Variants in TENM3 observed in about 807,000 individuals in gnomAD.
The protein encoded by TENM3 is teneurin transmembrane protein 3, also known as teneurin-3.
A neutral mutation model predicts 255.1 loss-of-function variants in TENM3; 63 were observed. The ratio of observed to expected loss-of-function variants is 0.25; its 90% CI spans 0.20 to 0.30. The LOEUF is 0.30. Ranked by LOEUF, TENM3 falls within the 10% of genes least tolerant of loss-of-function variation. The pLI is 1.00. For synonymous variants in TENM3, 1,306 were observed against 1,322.3 expected, an observed-to-expected ratio of 0.99 and a Z score of 0.27; for missense variants, 2,929 against 3,461.1, an observed-to-expected ratio of 0.85 and a Z score of 3.86.
In TENM3 at chr4:182,799,454, G is replaced by C. The variant is rs373539434; in HGVS notation, c.7345-142G>C. 2 of 1,056,324 alleles carry C rather than the reference G, an allele frequency of 1.9e-6. No homozygotes were observed. Among genetic ancestry groups the C allele is most frequent in the East Asian group, 2.7e-5 (1 of 37,188 alleles). The allele number at this position is 1,056,324 out of a possible 1,614,324, so 65.4% of individuals were successfully genotyped here. A position where few individuals can be genotyped will look rare whatever the true frequency, so the allele number is the denominator to read the frequency against. ...GGGATCTCGAGTGCTCCCTCCACCC[G>C]GGCTGTCAGCCTTCTGGTCAGGGAA... On this transcript the variant is annotated intron_variant, in intron 27 of 27. Coordinates refer to ENST00000511685, the MANE Select transcript of TENM3 (RefSeq NM_001080477.4). This position sits in a 1 kb window ranked among gnomAD's most constrained non-coding sequence, Gnocchi z 4.2.
chr4:181,528,698 C>G, the TENM3 span, among the ~76,000 whole-genome samples: 2 of 152,186 alleles, frequency 1.3e-5, no homozygotes, highest in African/African-American at 4.8e-5. Flanking sequence ...AAGTATTTCA[C>G]CGAGGAGGTG....
chr4:181,465,058 T>G, the TENM3 span, among the ~76,000 whole-genome samples: 1 of 152,222 alleles, frequency 6.6e-6, no homozygotes, highest in Non-Finnish European at 1.5e-5. Flanking sequence ...TATTATCTCT[T>G]ATGTTTTCTT....
At chr4:181,759,963 G>A in the TENM3 span, among the ~76,000 whole-genome samples, 1 of 152,080 alleles carries the variant, frequency 6.6e-6, no homozygotes, top group African/African-American at 2.4e-5. Context: ...TGGCCAGAGA[G>A]CAGCAGAGCC....
intron 2 of TENM3, among the ~76,000 whole-genome samples, chr4:182,336,401 C>A (rs999859027): frequency 1.2e-4 from 18 of 151,596 alleles, no homozygotes; most frequent in African/African-American, 4.1e-4. Context: ...TACACAGAAG[C>A]TCTCATTATA....
the TENM3 span, among the ~76,000 whole-genome samples, chr4:182,092,419 G>A: frequency 6.6e-6 from 1 of 152,206 alleles, no homozygotes; most frequent in Non-Finnish European, 1.5e-5. Context: ...AGGCCAAGGT[G>A]GGGGGATTGC....
chr4:182,629,798 G>A (rs1175975317), intron 5 of TENM3, among the ~76,000 whole-genome samples: 1 of 152,124 alleles, frequency 6.6e-6, no homozygotes, highest in Middle Eastern at 3.2e-3. Context: ...AGAATACTAT[G>A]ATGTTTCTGC....
At chr4:182,775,582 C>T (rs956150763) in intron 24 of TENM3, among the ~76,000 whole-genome samples, 1 of 152,190 alleles carries the variant, frequency 6.6e-6, no homozygotes, top group Non-Finnish European at 1.5e-5. Context: ...TCCCAGGGCC[C>T]CTGCTGCCTT....
At chr4:182,458,572 GT>G (rs1774049793) in intron 3 of TENM3, among the ~76,000 whole-genome samples, 1 of 152,120 alleles carries the variant, frequency 6.6e-6, no homozygotes, top group Non-Finnish European at 1.5e-5. Flanking sequence ...GTAGCTTCTT[GT>G]AGAAGTTCTG....
chr4:181,927,734 A>G, the TENM3 span, among the ~76,000 whole-genome samples: 590 of 152,172 alleles, frequency 3.9e-3, 17 homozygotes, highest in South Asian at 0.059. Flanking sequence ...ACTGGGAGAC[A>G]CCTCCCAGCA....
chr4:182,520,567 A>T (rs1213334286), intron 3 of TENM3, among the ~76,000 whole-genome samples: 1 of 152,216 alleles, frequency 6.6e-6, no homozygotes, highest in Non-Finnish European at 1.5e-5. Flanking sequence ...CAGATACAAA[A>T]GAGTTTTGCA....
Position 182,368,294 on chromosome 4 carries a change from G to A in TENM3, c.511+21365G>A, listed in dbSNP as rs529603374. Among the ~76,000 whole-genome samples, 7 of 152,254 alleles carry A rather than the reference G, an allele frequency of 4.6e-5. No individual in the cohort carries two copies. The South Asian group carries it at 1.2e-3, about 27-fold the overall frequency. ...GGCTGTAGGATTATGATAGTAAACC[G>A]TATTCCCCTCCACCTTTGAGTCTCA... On this transcript the variant is annotated intron_variant, in intron 3 of 27. Transcript: ENST00000511685.
the TENM3 span, among the ~76,000 whole-genome samples, chr4:182,070,790 T>C: frequency 1.3e-5 from 2 of 152,226 alleles, no homozygotes; most frequent in Admixed American, 1.3e-4. Context: ...GTCTGAAAGA[T>C]GACTCAGGCT....
At chr4:182,674,787 G>A (rs1755526140) in intron 7 of TENM3, among the ~76,000 whole-genome samples, 2 of 152,132 alleles carry the variant, frequency 1.3e-5, no homozygotes, top group South Asian at 4.1e-4. Context: ...TGTTGCCCAG[G>A]CTGCTCTTGA....
intron 25 of TENM3, among the ~76,000 whole-genome samples, chr4:182,790,086 A>G (rs377311892): frequency 2.3e-4 from 35 of 152,354 alleles, no homozygotes; most frequent in African/African-American, 8.2e-4. Context: ...GAAAGGGAAG[A>G]AAAAGGAAAG....
intron 12 of TENM3, among the ~76,000 whole-genome samples, chr4:182,700,914 C>A (rs1757804540): frequency 6.6e-6 from 1 of 151,984 alleles, no homozygotes; most frequent in Non-Finnish European, 1.5e-5. Flanking sequence ...TTGTCAACAC[C>A]TCTTTTTAAA....
chr4:181,612,956 T>G, the TENM3 span, among the ~76,000 whole-genome samples: 163 of 152,314 alleles, frequency 1.1e-3, 2 homozygotes, highest in African/African-American at 3.9e-3. Context: ...ATGACAGCCA[T>G]CTATTTGTAG....
At chr4:181,522,885 A>G in the TENM3 span, 129,837 of 977,506 alleles carry the variant, frequency 0.13, 11,063 homozygotes, top group East Asian at 0.25. Context: ...TGTGGTTGTG[A>G]TGATAGCAGT....
At chr4:182,060,668 C>A in the TENM3 span, among the ~76,000 whole-genome samples, 2 of 152,116 alleles carry the variant, frequency 1.3e-5, no homozygotes, top group Non-Finnish European at 2.9e-5. Flanking sequence ...ATAGCAAATA[C>A]CAATTTAAAA....
At chr4:181,973,013 G>A in the TENM3 span, among the ~76,000 whole-genome samples, 4 of 152,042 alleles carry the variant, frequency 2.6e-5, no homozygotes, top group South Asian at 2.1e-4. Flanking sequence ...CAAGTGGAGC[G>A]GCACTTTATT....
Sources: allele counts gnomAD v4.1 joint callset (sites outside exome capture counted in the v4.1 genomes callset), GRCh38; gene constraint gnomAD v4.1.1; non-coding constraint Gnocchi (gnomAD v3.1); transcripts MANE v1.5; gene names NCBI Gene and HGNC (gene_info 2026-07-23, HGNC 2026-07-21).